Variants in BROX observed in about 807,000 individuals in gnomAD.
BROX encodes BRO1 domain-containing protein BROX.
BROX carries 53 observed loss-of-function variants against 61.0 expected under a neutral mutation model. The observed-to-expected ratio is 0.87, with a 90% confidence interval of 0.70 to 1.09. BROX has a LOEUF of 1.09. Among genes scored for constraint, BROX ranks in the 50% least tolerant of loss-of-function variants. BROX has a pLI of 0.00. For synonymous variants in BROX, 152 were observed against 160.2 expected (o/e 0.95, Z 0.38); for missense variants, 489 against 472.0 (o/e 1.04, Z -0.33).
chr1:222,713,493 G>A, intron 1 of BROX: 1 of 947,584 alleles, frequency 1.1e-6, no homozygotes, highest in Non-Finnish European at 1.3e-6. Flanking sequence ...GTGGAAGTGT[G>A]TTAGCTTACA....
In BROX at chr1:222,732,902, C is replaced by G; in HGVS notation, c.*188C>G. The G allele has an allele frequency of 8.9e-6, 5 of 560,728 alleles. No homozygotes were observed. The highest frequency in any genetic ancestry group is 1.6e-5 in the Non-Finnish European group (5 of 319,232). The allele number at this position is 560,728 out of a possible 1,614,324, so 34.7% of individuals were successfully genotyped here. A position where few individuals can be genotyped will look rare whatever the true frequency, so the allele number is the denominator to read the frequency against. ...AGATGTTTCTTGCTTTGTTTTCAGA[C>G]TCTCCTTTTTAATCAGGACAACATT... On this transcript the variant is annotated 3_prime_UTR_variant, in exon 13 of 13. Transcript: ENST00000340934.
At chr1:222,713,428 T>C (rs1292143906) in intron 1 of BROX, 10 of 980,584 alleles carry the variant, frequency 1.0e-5, no homozygotes, top group Admixed American at 6.4e-5. Flanking sequence ...TAGGTTCCTC[T>C]GGGGACTCGG....
At position 222,722,446 on chromosome 1, in the gene BROX, A is replaced by C; in HGVS notation, c.333A>C (p.Leu111Phe). Residue 111 changes from leucine (L) to phenylalanine (F), a missense_variant, in exon 5 of 13, where the codon TTA (leucine) becomes TTC (phenylalanine). Transcript: ENST00000340934. ...PSAQQDAVFE[L>F]ISMGFNVALW... is the part of the protein sequence containing the mutation. ...CCCAGCAGGATGCTGTTTTTGAATT[A>C]ATTTCCATGGGATTTAATGTAGCTT... 1.2e-6 allele frequency: 2 copies of C among 1,613,598 alleles called. No homozygotes were observed. The highest frequency in any genetic ancestry group is 1.7e-6 in the Non-Finnish European group (2 of 1,179,680).
intron 1 of BROX, chr1:222,713,573 T>TA: frequency 2.3e-6 from 1 of 433,800 alleles, no homozygotes; most frequent in Non-Finnish European, 3.1e-6. Context: ...GTGTCGTTCT[T>TA]CTATCCCACC....
chr1:222,713,028 CATTAGTCTCCATAG>C, intron 1 of BROX, 86 bp downstream of exon 1: 3 of 1,163,740 alleles, frequency 2.6e-6, no homozygotes, highest in Non-Finnish European at 3.2e-6. Flanking sequence ...CCCCCTTTTA[CATTAGTCTCCATAG>C]ACCCCTGGAC....
chr1:222,731,551 C>T, intron 12 of BROX, 35 bp downstream of exon 12: 2 of 1,561,194 alleles, frequency 1.3e-6, no homozygotes, highest in Non-Finnish European at 8.6e-7. Context: ...CTCTCATTCA[C>T]AAAAGTTTAA....
Position 222,725,454 on chromosome 1 carries a change from G to A in BROX, c.479G>A (p.Ser160Asn), listed in dbSNP as rs778607634. Residue 160 changes from serine (S) to asparagine (N), a missense_variant, in exon 7 of 13, where the codon AGT (serine) becomes AAT (asparagine). Ser to Asn is a conservative substitution (Grantham distance 46). Coordinates refer to ENST00000340934, the MANE Select transcript of BROX (RefSeq NM_144695.4). ...CTTTTTTGTTGTTGTTCTCAGGAAA[G>A]TCATCTCCCAAAACTCATTACACCT... ...AAGIFKHLKE[S>N]HLPKLITPAE... 5.0e-6 allele frequency: 8 copies of A among 1,593,636 alleles called. No individual in the cohort carries two copies. Among genetic ancestry groups the A allele is most frequent in the Non-Finnish European group, 6.0e-6 (7 of 1,173,110 alleles).
chr1:222,728,975 G>GAA, intron 9 of BROX, 147 bp downstream of exon 9: 1 of 525,846 alleles, frequency 1.9e-6, no homozygotes, highest in Non-Finnish European at 3.3e-6. Context: ...GAGAGTCAGT[G>GAA]CAACCATTGT....
At chr1:222,715,137 A>G (rs1656490761) in intron 1 of BROX, 1 of 152,164 alleles carries the variant, frequency 6.6e-6, no homozygotes, top group South Asian at 2.1e-4. Context: ...TGCCCTTTTT[A>G]CTTGCAGTTG....
intron 8 of BROX, among the ~76,000 whole-genome samples, 154 bp from the exon 9 acceptor site, chr1:222,728,589 A>G (rs1426740687): frequency 2.0e-5 from 3 of 152,132 alleles, no homozygotes; most frequent in Non-Finnish European, 4.4e-5. Flanking sequence ...AGATTTGGTA[A>G]AATCAAGTAA....
intron 1 of BROX, among the ~76,000 whole-genome samples, chr1:222,714,268 G>A (rs1013714401): frequency 7.0e-6 from 1 of 143,302 alleles, no homozygotes; most frequent in Non-Finnish European, 1.5e-5. Flanking sequence ...CTGGAGTGCA[G>A]TGGTGCCATC....
chr1:222,722,389 A>G (rs369592989), intron 4 of BROX, 30 bp from the exon 5 acceptor site: 1 of 1,562,386 alleles, frequency 6.4e-7, no homozygotes. Context: ...GATAATTGAC[A>G]GAACTTAATG....
At chr1:222,727,057 C>G (rs1657558497) in intron 7 of BROX, 111 bp from the exon 8 acceptor site, 1 of 761,968 alleles carries the variant, frequency 1.3e-6, no homozygotes, top group Non-Finnish European at 2.2e-6. Flanking sequence ...GTTTAACAAA[C>G]TGTATTAAAA....
At position 222,734,953 on chromosome 1, in the gene BROX, G is replaced by A. The variant is rs1445378680; in HGVS notation, c.*2239G>A. On this transcript the variant is annotated 3_prime_UTR_variant, in exon 13 of 13. Transcript: ENST00000340934. ...ATAAATATTTTGTTGACTCAGCAAAGGTGACACTTTGTGACTAAAGTATCC... is the reference window on the plus strand; with the variant it reads ...ATAAATATTTTGTTGACTCAGCAAAAGTGACACTTTGTGACTAAAGTATCC... The A allele has an allele frequency of 6.6e-6, 1 of 152,120 alleles. No homozygotes were observed. 9.4% of individuals were successfully genotyped at this position (152,120 alleles called of 1,614,324 possible). A position where few individuals can be genotyped will look rare whatever the true frequency, so the allele number is the denominator to read the frequency against.
At chr1:222,723,267 A>C (rs1048510232) in intron 5 of BROX, among the ~76,000 whole-genome samples, 1 of 152,190 alleles carries the variant, frequency 6.6e-6, no homozygotes, top group South Asian at 2.1e-4. Flanking sequence ...TTTATATACA[A>C]ATGTCTGTAA....
At chr1:222,723,563 CT>C (rs1349016895) in intron 5 of BROX, among the ~76,000 whole-genome samples, 1 of 152,118 alleles carries the variant, frequency 6.6e-6, no homozygotes, top group Non-Finnish European at 1.5e-5. Context: ...TTTTCAAGAC[CT>C]TTTTGTGGGA....
chr1:222,732,650 A>G lies in BROX; in HGVS notation c.1172A>G (p.Glu391Gly), dbSNP rs752329796. 1 of 1,613,686 alleles carries G rather than the reference A, an allele frequency of 6.2e-7. No individual in the cohort carries two copies. The highest frequency in any genetic ancestry group is 1.7e-5 in the Admixed American group (1 of 59,978). ...TAGACTAAACCCAAACCAGAAGAAGAAGTGAAACCTGTGAAAGAACCAGAC... is the reference window on the plus strand; with the variant it reads ...TAGACTAAACCCAAACCAGAAGAAGGAGTGAAACCTGTGAAAGAACCAGAC... ...DDSTKPKPEE[E>G]VKPVKEPDIK... The change falls in exon 13 of 13, where the codon GAA becomes GGA. Residue 391 changes from glutamate to glycine, a missense_variant. Transcript: ENST00000340934.
Position 222,719,302 on chromosome 1 carries a change from A to G in BROX, c.248A>G (p.Lys83Arg). 6.2e-7 allele frequency: 1 copy of G among 1,608,814 alleles called. No homozygotes were observed. Among genetic ancestry groups the G allele is most frequent in the Non-Finnish European group, 8.5e-7 (1 of 1,175,266 alleles). Residue 83 changes from lysine (K) to arginine (R), a missense_variant, in exon 4 of 13, where the codon AAG becomes AGG. By Grantham distance (26) the Lys-to-Arg change is conservative. Transcript: ENST00000340934. ...TTGGATGAATCTACCCAAGAAAGCA[A>G]GTTACGATATATTCAAAATTTCAAG... ...NSLDESTQES[K>R]LRYIQNFKWT...
At chr1:222,727,093 T>G in intron 7 of BROX, 75 bp from the exon 8 acceptor site, 1 of 1,021,194 alleles carries the variant, frequency 9.8e-7, no homozygotes, top group Non-Finnish European at 1.5e-6. Flanking sequence ...CAGACTGTCT[T>G]TTGCTATTAT....
Sources: allele counts gnomAD v4.1 joint callset (sites outside exome capture counted in the v4.1 genomes callset), GRCh38; gene constraint gnomAD v4.1.1; transcripts MANE v1.5; gene names NCBI Gene and HGNC (gene_info 2026-07-23, HGNC 2026-07-21).